The following ASCC1 variants were observed in gnomAD, a reference collection of about 807,000 sequenced individuals.
ASCC1 encodes activating signal cointegrator 1 complex subunit 1.
A neutral mutation model predicts 46.6 loss-of-function variants in ASCC1; 35 were observed. The ratio of observed to expected loss-of-function variants is 0.75; its 90% CI spans 0.57 to 0.99. The LOEUF (loss-of-function observed/expected upper bound fraction) is 0.99. ASCC1 is among the 50% of genes least tolerant of loss of function. The probability of loss-of-function intolerance (pLI) is 0.00; values close to 1 mark genes in which losing one functional copy is unlikely to be tolerated. For synonymous variants in ASCC1, 143 were observed against 146.6 expected (o/e 0.98, Z 0.18); for missense variants, 376 against 428.7 (o/e 0.88, Z 1.09).
intron 7 of ASCC1, among the ~76,000 whole-genome samples, chr10:72,147,984 A>C (rs768026418): frequency 8.5e-5 from 13 of 152,194 alleles, no homozygotes; most frequent in Non-Finnish European, 1.3e-4. Context: ...TTATGACATT[A>C]TCTATCTTTT....
intron 5 of ASCC1, among the ~76,000 whole-genome samples, chr10:72,176,185 C>T (rs772801572): frequency 5.9e-5 from 9 of 152,094 alleles, no homozygotes; most frequent in Non-Finnish European, 1.2e-4. Context: ...TGCCACAAAC[C>T]CTATTCTTCT....
chr10:72,164,355 A>G (rs778186925), intron 5 of ASCC1, among the ~76,000 whole-genome samples: 22 of 152,080 alleles, frequency 1.4e-4, no homozygotes, highest in Non-Finnish European at 2.8e-4. Context: ...GGATTTATCT[A>G]TTCTGGATAT....
chr10:72,153,084 T>C, intron 6 of ASCC1, 96 bp from the exon 7 acceptor site: 4 of 1,489,772 alleles, frequency 2.7e-6, no homozygotes, highest in Non-Finnish European at 3.7e-6. Flanking sequence ...CAAATATGTA[T>C]GTTACTTACA....
At chr10:72,137,918 C>T (rs1846458789) in intron 7 of ASCC1, among the ~76,000 whole-genome samples, 1 of 151,760 alleles carries the variant, frequency 6.6e-6, no homozygotes, top group Non-Finnish European at 1.5e-5. Context: ...GGCTAGAGTG[C>T]AGTGGCACGA....
intron 5 of ASCC1, among the ~76,000 whole-genome samples, chr10:72,170,456 A>G (rs182925451): frequency 6.6e-6 from 1 of 152,184 alleles, no homozygotes; most frequent in Non-Finnish European, 1.5e-5. Flanking sequence ...AATGTCAAGA[A>G]AGACAAAGAG....
chr10:72,191,601 C>T (rs12244263), intron 5 of ASCC1, among the ~76,000 whole-genome samples: 21,749 of 151,754 alleles, frequency 0.14, 4,450 homozygotes, highest in African/African-American at 0.45. Flanking sequence ...AAACCAAAAC[C>T]ATAAACATTC....
intron 3 of ASCC1, among the ~76,000 whole-genome samples, chr10:72,210,348 C>T (rs548292580): frequency 5.3e-5 from 8 of 152,062 alleles, no homozygotes; most frequent in South Asian, 4.1e-4. Flanking sequence ...TTAGTAGAGA[C>T]GGGGTTTCGC....
At chr10:72,204,136 C>G (rs929655164) in intron 3 of ASCC1, among the ~76,000 whole-genome samples, 1 of 152,152 alleles carries the variant, frequency 6.6e-6, no homozygotes, top group East Asian at 1.9e-4. Flanking sequence ...GTAATCCCAG[C>G]TACTTGGGAG....
Position 72,096,470 on chromosome 10 carries a change from A to G in ASCC1, c.*864T>C, listed in dbSNP as rs78843480. On this transcript the variant is annotated 3_prime_UTR_variant, in exon 10 of 10. Transcript: ENST00000672957. ...GATGGGGTGAAGGAACAGGAATCCA[A>G]CAAATATTAAGAGGACAAACTTTGG... The G allele has an allele frequency of 0.018, 8,070 of 454,128 alleles. 585 individuals carry two copies. Among genetic ancestry groups the G allele is most frequent in the African/African-American group, 0.15 (7,486 of 50,090 alleles). 28.1% of individuals were successfully genotyped at this position (454,128 alleles called of 1,614,324 possible). A position where few individuals can be genotyped will look rare whatever the true frequency, so the allele number is the denominator to read the frequency against.
intron 7 of ASCC1, among the ~76,000 whole-genome samples, chr10:72,136,473 TA>T (rs1846221013): frequency 6.6e-6 from 1 of 152,298 alleles, no homozygotes; most frequent in South Asian, 2.1e-4. Context: ...CAGCACTCTG[TA>T]AAAATGCACC....
Position 72,128,186 on chromosome 10 carries a change from T to A in ASCC1, c.872-19A>T, listed in dbSNP as rs1410167882. On this transcript the variant is annotated intron_variant, in intron 8 of 9. Coordinates refer to ENST00000672957, the MANE Select transcript of ASCC1 (RefSeq NM_001198800.3). Reference sequence around the variant, plus strand: ...CCTTCAGCTGTAAATATTCCAAAGATAATGTTAGAAGCTTAGATTGATTGG... The same window carrying A: ...CCTTCAGCTGTAAATATTCCAAAGAAAATGTTAGAAGCTTAGATTGATTGG... 1 of 1,597,996 alleles carries A rather than the reference T, an allele frequency of 6.3e-7. No homozygotes were observed. Among genetic ancestry groups the A allele is most frequent in the Non-Finnish European group, 8.6e-7 (1 of 1,165,576 alleles).
rs973281003 is a variant in ASCC1 at position 72,096,389 on chromosome 10, C to T, written c.*945G>A. Reference sequence around the variant, plus strand: ...TTTTGCTGCTGCCTTGAAAAGTAAACAAAAAAGGGCTGCAACACTGCAACT... The same window carrying T: ...TTTTGCTGCTGCCTTGAAAAGTAAATAAAAAAGGGCTGCAACACTGCAACT... On this transcript the variant is annotated 3_prime_UTR_variant, in exon 10 of 10. Transcript: ENST00000672957. 4.4e-6 allele frequency: 2 copies of T among 453,862 alleles called. No homozygotes were observed. The highest frequency in any genetic ancestry group is 8.8e-6 in the Non-Finnish European group (2 of 226,724). 28.1% of individuals were successfully genotyped at this position (453,862 alleles called of 1,614,324 possible).
chr10:72,152,986 T>A lies in ASCC1; in HGVS notation c.629A>T (p.Asp210Val). The A allele has an allele frequency of 6.2e-7, 1 of 1,614,114 alleles. No individual in the cohort carries two copies. Among genetic ancestry groups the A allele is most frequent in the Non-Finnish European group, 8.5e-7 (1 of 1,179,988 alleles). Residue 210 changes from aspartate (D) to valine (V), a missense_variant and splice_region_variant, in exon 7 of 10, where the codon GAT (aspartate) becomes GTT (valine). Asp to Val is a radical substitution (Grantham distance 152, BLOSUM62 -3). Coordinates refer to ENST00000672957, the MANE Select transcript of ASCC1 (RefSeq NM_001198800.3). ...TTCTAGGGGTTTACCCCCAGAAATA[T>A]CACTGCAAAGGAAAAAGCATTAAGA... ...LQQCKEEFIN[D>V]ISGGKPLEVE...
rs959580435 is a variant in ASCC1 at position 72,175,437 on chromosome 10, T to C, written c.490-13763A>G. On this transcript the variant is annotated intron_variant, in intron 5 of 9. Transcript: ENST00000672957. ...CTCTGCTGAGTCATTTCCATTATTC[T>C]TTAAGAATGTTCAGAAAAGCTGACT... 6.6e-5 allele frequency among the ~76,000 whole-genome samples: 10 copies of C among 152,220 alleles called. No homozygotes were observed. The East Asian group carries it at 1.2e-3, about 18-fold the overall frequency.
At chr10:72,203,296 A>AG (rs1856756371) in intron 4 of ASCC1, 131 bp downstream of exon 4, 2 of 792,302 alleles carry the variant, frequency 2.5e-6, no homozygotes, top group East Asian at 2.5e-5. Context: ...CAAAAAAAAA[A>AG]AAAAAGAAAA....
At chr10:72,133,929 C>T (rs1272502100) in intron 7 of ASCC1, 1 of 152,310 alleles carries the variant, frequency 6.6e-6, no homozygotes, top group Admixed American at 6.5e-5. Flanking sequence ...AATACAGAAG[C>T]CAAGGCACAG....
intron 3 of ASCC1, 66 bp from the exon 4 acceptor site, chr10:72,203,590 T>C: frequency 8.7e-7 from 1 of 1,153,912 alleles, no homozygotes. Context: ...CCTCATTATG[T>C]TTAAATCCTT....
chr10:72,132,827 G>A (rs567123290), intron 8 of ASCC1, among the ~76,000 whole-genome samples: 3 of 151,502 alleles, frequency 2.0e-5, no homozygotes, highest in South Asian at 4.2e-4. Flanking sequence ...TCCTGTATTT[G>A]TATTTGCTAA....
chr10:72,138,520 G>A (rs1229071509), intron 7 of ASCC1, among the ~76,000 whole-genome samples: 4 of 152,094 alleles, frequency 2.6e-5, no homozygotes, highest in Non-Finnish European at 5.9e-5. Context: ...CAGAGAGGCT[G>A]GGTTGCTCAG....
Sources: allele counts gnomAD v4.1 joint callset (sites outside exome capture counted in the v4.1 genomes callset), GRCh38; gene constraint gnomAD v4.1.1; transcripts MANE v1.5; gene names NCBI Gene and HGNC (gene_info 2026-07-23, HGNC 2026-07-21).